The following USP38 variants were observed in gnomAD, a reference collection of about 807,000 sequenced individuals.
USP38 encodes ubiquitin carboxyl-terminal hydrolase 38.
USP38 carries 49 observed loss-of-function variants against 94.3 expected under a neutral mutation model. That is an observed-to-expected ratio of 0.52 (90% CI 0.41 to 0.66). The LOEUF is 0.66. USP38 is among the 30% of genes least tolerant of loss of function. USP38 has a pLI of 0.00. For missense variants in USP38, 1,128 were observed against 1,229.4 expected (o/e 0.92, Z 1.23); for synonymous variants, 468 against 463.6 (o/e 1.01, Z -0.12).
rs946731890 is a variant in USP38 at position 143,187,849 on chromosome 4, G to A, written c.706G>A (p.Ala236Thr). 7 of 1,612,190 alleles carry A rather than the reference G, an allele frequency of 4.3e-6. No homozygotes were observed. The highest frequency in any genetic ancestry group is 5.9e-6 in the Non-Finnish European group (7 of 1,179,286). ...STDASFEPSV[A>T]LASLVQHIPL... The stretch of plus-strand genomic sequence containing the variant: ...AGATGCATCATTTGAACCTTCTGTA[G>A]CATTGGCAAGCCTTGTGCAGCATAT... Residue 236 changes from alanine to threonine, a missense_variant, in exon 2 of 10, where the codon GCA (alanine) becomes ACA (threonine). Transcript: ENST00000307017.
At position 143,220,459 on chromosome 4, in the gene USP38, C is replaced by G; in HGVS notation, c.*3C>G. 1 of 1,607,932 alleles carries G rather than the reference C, an allele frequency of 6.2e-7. No individual in the cohort carries two copies. The highest frequency in any genetic ancestry group is 8.5e-7 in the Non-Finnish European group (1 of 1,177,240). On this transcript the variant is annotated 3_prime_UTR_variant, in exon 10 of 10. Transcript: ENST00000307017. The stretch of plus-strand genomic sequence containing the variant: ...CAGTTGGCAGACTCGTATTTTGATC[C>G]TGAGAGAGTCCAAAATGCACTGGTC...
intron 7 of USP38, 26 bp downstream of exon 7, chr4:143,209,683 G>A (rs751945704): frequency 6.3e-6 from 9 of 1,431,502 alleles, no homozygotes; most frequent in African/African-American, 1.4e-5. Context: ...TATATAGTAC[G>A]TTTATGTTAA....
At chr4:143,187,687 A>G (rs1342313266) in intron 1 of USP38, 139 bp from the exon 2 acceptor site, 5 of 835,662 alleles carry the variant, frequency 6.0e-6, no homozygotes, top group Non-Finnish European at 8.9e-6. Context: ...TTAAGAGTCT[A>G]CCCATGAGGG....
At chr4:143,192,644 C>T (rs2149604885) in intron 2 of USP38, among the ~76,000 whole-genome samples, 1 of 148,046 alleles carries the variant, frequency 6.8e-6, no homozygotes, top group East Asian at 2.0e-4. Flanking sequence ...TGTGTGTCCT[C>T]ACTTGGCAGA....
intron 7 of USP38, among the ~76,000 whole-genome samples, chr4:143,209,990 G>A (rs944940222): frequency 2.0e-5 from 3 of 152,032 alleles, no homozygotes; most frequent in Non-Finnish European, 4.4e-5. Context: ...ATTTTTAAGT[G>A]CATCTTTGTT....
intron 3 of USP38, among the ~76,000 whole-genome samples, chr4:143,197,516 A>C (rs1731588735): frequency 6.6e-5 from 10 of 152,210 alleles, no homozygotes; most frequent in Admixed American, 6.5e-4. Flanking sequence ...TGTGCTTAAC[A>C]AATATTTGTT....
intron 4 of USP38, among the ~76,000 whole-genome samples, chr4:143,199,281 C>T (rs1389584419): frequency 1.3e-5 from 2 of 152,034 alleles, no homozygotes; most frequent in African/African-American, 4.8e-5. Context: ...ATAATAATAG[C>T]CTCGCCCTCC....
chr4:143,186,209 G>A (rs1731220198), intron 1 of USP38, 77 bp downstream of exon 1: 4 of 1,429,426 alleles, frequency 2.8e-6, no homozygotes, highest in South Asian at 2.6e-5. Flanking sequence ...TTCACACCAT[G>A]TTTTCCTCCT....
intron 9 of USP38, among the ~76,000 whole-genome samples, chr4:143,217,464 T>C (rs1732214820): frequency 3.3e-5 from 5 of 152,158 alleles, no homozygotes; most frequent in Admixed American, 3.3e-4. Flanking sequence ...ATAATACCTT[T>C]TTATAAAACA....
chr4:143,186,654 A>G (rs1731233940), intron 1 of USP38, among the ~76,000 whole-genome samples: 4 of 152,176 alleles, frequency 2.6e-5, no homozygotes, highest in Non-Finnish European at 5.9e-5. Context: ...TACAGTATCT[A>G]GTAGACAAAG....
In USP38 at chr4:143,214,434, C is replaced by T; in HGVS notation, c.2458C>T (p.Leu820Phe). The T allele has an allele frequency of 5.6e-6, 9 of 1,613,616 alleles. No homozygotes were observed. The highest frequency in any genetic ancestry group is 7.6e-6 in the Non-Finnish European group (9 of 1,179,810). The change falls in exon 9 of 10, where the codon CTT becomes TTT. Residue 820 changes from leucine to phenylalanine, a missense_variant. By Grantham distance (22) the Leu-to-Phe change is conservative. Transcript: ENST00000307017. ...DVDFTDLSEN[L>F]AKKLKPSGTD... ...TGACTTCACTGATCTTAGTGAGAAC[C>T]TTGCTAAAAAATTAAAGCCTTCAGG...
rs762919509 is a variant in USP38, at chr4:143,195,777, C to G, written c.880C>G (p.Leu294Val). The G allele has an allele frequency of 2.5e-6, 4 of 1,613,624 alleles. No individual in the cohort carries two copies. Among genetic ancestry groups the G allele is most frequent in the Non-Finnish European group, 3.4e-6 (4 of 1,179,850 alleles). Reference protein sequence around the residue: ...QHVDTWVIALLKGLAAVQKFT... With the variant: ...QHVDTWVIALVKGLAAVQKFT... ...TGTGGATACATGGGTAATTGCACTC[C>G]TGAAAGGACTGGCAGCTGTCCAGAA... Residue 294 changes from leucine to valine, a missense_variant, in exon 3 of 10, where the codon CTG becomes GTG. Coordinates refer to ENST00000307017, the MANE Select transcript of USP38 (RefSeq NM_032557.6).
At chr4:143,192,557 T>TTC (rs1185247253) in intron 2 of USP38, among the ~76,000 whole-genome samples, 1 of 149,148 alleles carries the variant, frequency 6.7e-6, no homozygotes, top group Non-Finnish European at 1.5e-5. Context: ...TTACTTTTTT[T>TTC]TTTTTTTTTT....
rs542846572 is a variant in USP38, at chr4:143,222,317, G to C, written c.*1861G>C. On this transcript the variant is annotated 3_prime_UTR_variant, in exon 10 of 10. Transcript: ENST00000307017. ...CTTTCCTTGGTATCTGCAGTGGATT[G>C]GTTCCAGAACACCATCCCCCAATAT... 1 of 151,940 alleles carries C rather than the reference G, an allele frequency of 6.6e-6. No individual in the cohort carries two copies. Among genetic ancestry groups the C allele is most frequent in the South Asian group, 2.1e-4 (1 of 4,814 alleles). The allele number at this position is 151,940 out of a possible 1,614,324, so 9.4% of individuals were successfully genotyped here.
chr4:143,213,430 T>C, intron 8 of USP38, 151 bp from the exon 9 acceptor site: 2 of 884,038 alleles, frequency 2.3e-6, no homozygotes, highest in Non-Finnish European at 3.3e-6. Flanking sequence ...TTCTCAAAAC[T>C]GTTCAATTTT....
rs1732298409 is a variant in USP38, at chr4:143,220,538, T to G, written c.*82T>G. On this transcript the variant is annotated 3_prime_UTR_variant, in exon 10 of 10. Transcript: ENST00000307017. ...AATGTCAGACTATAACAAATATCTATCTTTTATTTTTCATTAGACCCTTAT... is the reference window on the plus strand; with the variant it reads ...AATGTCAGACTATAACAAATATCTAGCTTTTATTTTTCATTAGACCCTTAT... 3.0e-6 allele frequency: 4 copies of G among 1,335,616 alleles called. No homozygotes were observed. Among genetic ancestry groups the G allele is most frequent in the Non-Finnish European group, 2.0e-6 (2 of 1,019,370 alleles). 82.7% of individuals were successfully genotyped at this position (1,335,616 alleles called of 1,614,324 possible).
At chr4:143,209,707 T>G (rs1306394906) in intron 7 of USP38, 50 bp downstream of exon 7, 3 of 1,173,546 alleles carry the variant, frequency 2.6e-6, no homozygotes, top group South Asian at 2.7e-5. Flanking sequence ...CGTGGTAATA[T>G]TCATTAAACT....
chr4:143,201,929 G>A (rs1215264902), intron 4 of USP38, among the ~76,000 whole-genome samples: 4 of 152,034 alleles, frequency 2.6e-5, no homozygotes, highest in East Asian at 1.9e-4. Context: ...TTTCCATGTC[G>A]TGATAATGTT....
chr4:143,187,117 A>G (rs912139934), intron 1 of USP38, among the ~76,000 whole-genome samples: 13 of 152,006 alleles, frequency 8.6e-5, no homozygotes, highest in South Asian at 2.1e-4. Context: ...TTTTACTTCT[A>G]TTGCCTGTGT....
Sources: allele counts gnomAD v4.1 joint callset (sites outside exome capture counted in the v4.1 genomes callset), GRCh38; gene constraint gnomAD v4.1.1; transcripts MANE v1.5; gene names NCBI Gene and HGNC (gene_info 2026-07-23, HGNC 2026-07-21).